MRPS18C: variants seen among roughly 807,000 people sequenced by gnomAD.
MRPS18C encodes mitochondrial ribosomal protein S18C.
MRPS18C carries 21 observed loss-of-function variants against 21.0 expected under a neutral mutation model. The observed-to-expected ratio is 1.00, with a 90% CI of 0.71 to 1.44. MRPS18C has a LOEUF of 1.44. Among genes scored for constraint, MRPS18C ranks in the 40% most tolerant of loss-of-function variants. MRPS18C has a pLI of 0.00. For synonymous variants in MRPS18C, 65 were observed against 54.3 expected (o/e 1.20, Z -0.87); for missense variants, 152 against 171.5 (o/e 0.89, Z 0.64).
Position 83,461,108 on chromosome 4 carries a change from T to A in MRPS18C, c.353-13T>A, listed in dbSNP as rs751703470. On this transcript the variant is annotated splice_polypyrimidine_tract_variant and intron_variant, in intron 5 of 5. Transcript: ENST00000295491. ...ATTATGTTTTGTCAAGAACTTTAATTATCTCTTTACAGGGTTTATGCCAGT... is the reference window on the plus strand; with the variant it reads ...ATTATGTTTTGTCAAGAACTTTAATAATCTCTTTACAGGGTTTATGCCAGT... 1.9e-6 allele frequency: 3 copies of A among 1,613,304 alleles called. No homozygotes were observed. In the South Asian group the frequency reaches 3.3e-5, roughly 18 times the overall value.
chr4:83,460,825 G>A, intron 4 of MRPS18C, 148 bp from the exon 5 acceptor site: 1 of 641,616 alleles, frequency 1.6e-6, no homozygotes, highest in African/African-American at 1.9e-5. Context: ...ATAATCGATT[G>A]AGCCTGGGTG....
At chr4:83,456,684 T>C (rs573659740) in intron 1 of MRPS18C, among the ~76,000 whole-genome samples, 1 of 152,294 alleles carries the variant, frequency 6.6e-6, no homozygotes, top group African/African-American at 2.4e-5. Context: ...AAAGAGCAGG[T>C]ATGGGCGGGA....
Position 83,459,800 on chromosome 4 carries a change from ATGTTC to A in MRPS18C, c.292+5_292+9del. On this transcript the variant is annotated splice_donor_5th_base_variant and intron_variant, in intron 4 of 5. Coordinates refer to ENST00000295491, the MANE Select transcript of MRPS18C (RefSeq NM_016067.4). ...CATTTATGGAAGGCACATTACAGGT[ATGTTC>A]TTTTTTATTATGGGAATATAAATGT... 6.3e-7 allele frequency: 1 copy of A among 1,591,474 alleles called. No homozygotes were observed. The highest frequency in any genetic ancestry group is 8.6e-7 in the Non-Finnish European group (1 of 1,163,360).
rs774724187 is a variant in MRPS18C, at chr4:83,461,609, A to G, written c.*412A>G. The G allele has an allele frequency of 1.0e-5, 3 of 297,940 alleles. No homozygotes were observed. The highest frequency in any genetic ancestry group is 4.8e-5 in the East Asian group (1 of 20,706). 18.5% of individuals were successfully genotyped at this position (297,940 alleles called of 1,614,324 possible). A position where few individuals can be genotyped will look rare whatever the true frequency, so the allele number is the denominator to read the frequency against. On this transcript the variant is annotated 3_prime_UTR_variant, in exon 6 of 6. Transcript: ENST00000295491. ...GGACAAAATATTCCTAGACGAGTCTACCCTCAAACCAGTAGTGTCTTTTAC... is the reference window on the plus strand; with the variant it reads ...GGACAAAATATTCCTAGACGAGTCTGCCCTCAAACCAGTAGTGTCTTTTAC...
intron 3 of MRPS18C, chr4:83,459,229 T>C (rs1560567752): frequency 6.6e-6 from 1 of 150,680 alleles, no homozygotes; most frequent in Non-Finnish European, 1.5e-5. Flanking sequence ...AACCAAGAAT[T>C]ACAAAAACAC....
chr4:83,456,065 G>C lies in MRPS18C; in HGVS notation c.-13G>C. 1 of 1,611,858 alleles carries C rather than the reference G, an allele frequency of 6.2e-7. No homozygotes were observed. Among genetic ancestry groups the C allele is most frequent in the Non-Finnish European group, 8.5e-7 (1 of 1,179,580 alleles). On this transcript the variant is annotated 5_prime_UTR_variant, in exon 1 of 6. Transcript: ENST00000295491. ...CGATTTGGAACGAAAGGAAGTGGAA[G>C]AAACGCGGAACCATGGCCGCTGTGG...
intron 1 of MRPS18C, 99 bp downstream of exon 1, chr4:83,456,276 C>T (rs1051906256): frequency 1.9e-6 from 2 of 1,072,246 alleles, no homozygotes; most frequent in Non-Finnish European, 1.4e-6. Flanking sequence ...ACTCTGGTTT[C>T]TAGGCGATTA....
Position 83,456,929 on chromosome 4 carries a change from TC to T in MRPS18C, c.122del (p.Ser41TyrfsTer32), listed in dbSNP as rs773593780. 1 of 1,612,580 alleles carries T rather than the reference TC, an allele frequency of 6.2e-7. No homozygotes were observed. The highest frequency in any genetic ancestry group is 8.5e-7 in the Non-Finnish European group (1 of 1,179,882). On this transcript the variant is annotated frameshift_variant, in exon 2 of 6. Transcript: ENST00000295491. LOFTEE classifies it high-confidence loss of function. The stretch of plus-strand genomic sequence containing the variant: ...CGCAGTGCTTTGGAGAAGAGGTTGT[TC>T]ACAACAGGTATCCAGCAATGAGGAC... Reference protein sequence around the residue: ...THTVLWRRGCSQQVSSNEDLP... With the variant: ...THTVLWRRGCXQQVSSNEDLP...
chr4:83,458,885 C>T (rs1449168642), intron 3 of MRPS18C: 2 of 154,928 alleles, frequency 1.3e-5, no homozygotes, highest in African/African-American at 4.8e-5. Context: ...GTGGCTCACG[C>T]CTGTAATCCC....
At chr4:83,457,027 A>G in intron 2 of MRPS18C, 69 bp downstream of exon 2, 1 of 1,348,916 alleles carries the variant, frequency 7.4e-7, no homozygotes, top group Non-Finnish European at 1.1e-6. Flanking sequence ...TTTTAAAACG[A>G]GATCTGGTAT....
Position 83,456,905 on chromosome 4 carries a change from G to A in MRPS18C, c.101-4G>A. The A allele has an allele frequency of 6.2e-7, 1 of 1,610,410 alleles. No homozygotes were observed. The highest frequency in any genetic ancestry group is 8.5e-7 in the Non-Finnish European group (1 of 1,179,258). On this transcript the variant is annotated splice_polypyrimidine_tract_variant and splice_region_variant and intron_variant, in intron 1 of 5. Coordinates refer to ENST00000295491, the MANE Select transcript of MRPS18C (RefSeq NM_016067.4). Reference sequence around the variant, plus strand: ...GGTTAATTGCTGTTTCTGTTTAATCGCAGTGCTTTGGAGAAGAGGTTGTTC... The same window carrying A: ...GGTTAATTGCTGTTTCTGTTTAATCACAGTGCTTTGGAGAAGAGGTTGTTC...
chr4:83,456,786 A>G, intron 1 of MRPS18C, 123 bp from the exon 2 acceptor site: 1 of 937,244 alleles, frequency 1.1e-6, no homozygotes, highest in East Asian at 2.5e-5. Context: ...CATTCTGAAT[A>G]TAATACAAAA....
rs754223288 is a variant in MRPS18C, at chr4:83,456,090, G to C, written c.13G>C (p.Val5Leu). MAAV[V>L]AVCGGLGRKK... The stretch of plus-strand genomic sequence containing the variant: ...GAAACGCGGAACCATGGCCGCTGTG[G>C]TTGCTGTTTGCGGTGGTCTAGGGAG... Residue 5 changes from valine (V) to leucine (L), a missense_variant, in exon 1 of 6, where the codon GTT (valine) becomes CTT (leucine). Val to Leu is a conservative substitution (Grantham distance 32). Transcript: ENST00000295491. 2 of 1,612,664 alleles carry C rather than the reference G, an allele frequency of 1.2e-6. No individual in the cohort carries two copies. The highest frequency in any genetic ancestry group is 1.1e-5 in the South Asian group (1 of 91,012).
rs1722136101 is a variant in MRPS18C, at chr4:83,461,995, A to T, written c.*798A>T. On this transcript the variant is annotated 3_prime_UTR_variant, in exon 6 of 6. Transcript: ENST00000295491. ...AAAGTATCACTTAAGGAGAATTTTAATGACTCAGATAAATTTTCATATAAA... is the reference window on the plus strand; with the variant it reads ...AAAGTATCACTTAAGGAGAATTTTATTGACTCAGATAAATTTTCATATAAA... 1 of 228,412 alleles carries T rather than the reference A, an allele frequency of 4.4e-6. No individual in the cohort carries two copies. The highest frequency in any genetic ancestry group is 8.7e-6 in the Non-Finnish European group (1 of 115,232). 14.1% of individuals were successfully genotyped at this position (228,412 alleles called of 1,614,324 possible). A position where few individuals can be genotyped will look rare whatever the true frequency, so the allele number is the denominator to read the frequency against.
chr4:83,461,232 C>T lies in MRPS18C; in HGVS notation c.*35C>T, dbSNP rs568410355. On this transcript the variant is annotated 3_prime_UTR_variant, in exon 6 of 6. Transcript: ENST00000295491. ...CGTTACCACTAATAAACTTATTTTACAGTAAGTGGTTGTATGATGCCAATA... is the reference window on the plus strand; with the variant it reads ...CGTTACCACTAATAAACTTATTTTATAGTAAGTGGTTGTATGATGCCAATA... The T allele has an allele frequency of 2.7e-5, 43 of 1,579,560 alleles. No individual in the cohort carries two copies. Among genetic ancestry groups the T allele is most frequent in the South Asian group, 5.6e-5 (5 of 90,036 alleles).
chr4:83,456,319 G>A, intron 1 of MRPS18C, 142 bp downstream of exon 1: 1 of 704,254 alleles, frequency 1.4e-6, no homozygotes, highest in Non-Finnish European at 2.4e-6. Flanking sequence ...ATCTGTAATT[G>A]CCTTTGACTG....
chr4:83,461,874 T>C lies in MRPS18C; in HGVS notation c.*677T>C, dbSNP rs1722131885. On this transcript the variant is annotated 3_prime_UTR_variant, in exon 6 of 6. Coordinates refer to ENST00000295491, the MANE Select transcript of MRPS18C (RefSeq NM_016067.4). Reference sequence around the variant, plus strand: ...GGCTGCCAGATTTAGCAAGTACAAATGTAGGACAAATTTAAATTTTAGATG... The same window carrying C: ...GGCTGCCAGATTTAGCAAGTACAAACGTAGGACAAATTTAAATTTTAGATG... 4.4e-6 allele frequency: 1 copy of C among 228,988 alleles called. No individual in the cohort carries two copies. Among genetic ancestry groups the C allele is most frequent in the African/African-American group, 2.2e-5 (1 of 45,244 alleles). 14.2% of individuals were successfully genotyped at this position (228,988 alleles called of 1,614,324 possible).
intron 3 of MRPS18C, chr4:83,458,765 A>C (rs148283177): frequency 4.9e-6 from 1 of 202,978 alleles, no homozygotes; most frequent in Non-Finnish European, 9.7e-6. Flanking sequence ...CTCACCACCC[A>C]TATCACTGAT....
Position 83,462,257 on chromosome 4 carries a change from G to GA in MRPS18C, c.*1067dup. On this transcript the variant is annotated 3_prime_UTR_variant, in exon 6 of 6. Transcript: ENST00000295491. The stretch of plus-strand genomic sequence containing the variant: ...TCCCCTCAACAACTTAGTGAAAGGT[G>GA]AAAAAAAGGTTTGGAAATAAAAGCA... The GA allele has an allele frequency of 5.8e-6, 3 of 518,858 alleles. No homozygotes were observed. The highest frequency in any genetic ancestry group is 1.0e-5 in the Non-Finnish European group (3 of 295,274). 32.1% of individuals were successfully genotyped at this position (518,858 alleles called of 1,614,324 possible).
Sources: allele counts gnomAD v4.1 joint callset (sites outside exome capture counted in the v4.1 genomes callset), GRCh38; gene constraint gnomAD v4.1.1; transcripts MANE v1.5; gene names NCBI Gene and HGNC (gene_info 2026-07-23, HGNC 2026-07-21).